The following DNAH14 variants were observed in gnomAD, a reference collection of about 807,000 sequenced individuals.
DNAH14 encodes axonemal beta dynein heavy chain 14.
Under a neutral mutation model 520.9 loss-of-function variants are expected in DNAH14, and 478 were observed. That is an observed-to-expected ratio of 0.92 (90% CI 0.85 to 0.99). DNAH14 has a LOEUF of 0.99. Ranked by LOEUF, DNAH14 falls within the 50% of genes least tolerant of loss-of-function variation. DNAH14 has a pLI of 0.00. For missense variants in DNAH14, 4,831 were observed against 5,234.5 expected, an observed-to-expected ratio of 0.92 and a Z score of 2.38; for synonymous variants, 1,581 against 1,757.2, an observed-to-expected ratio of 0.90 and a Z score of 2.51.
intron 54 of DNAH14, among the ~76,000 whole-genome samples, chr1:225,280,384 G>A (rs1428542729): frequency 6.6e-6 from 1 of 152,088 alleles, no homozygotes; most frequent in Non-Finnish European, 1.5e-5. Context: ...TGGATCATGA[G>A]GTCAGGAGAT....
At chr1:225,330,586 T>G (rs549365730) in intron 64 of DNAH14, among the ~76,000 whole-genome samples, 4 of 152,172 alleles carry the variant, frequency 2.6e-5, no homozygotes, top group Non-Finnish European at 5.9e-5. Context: ...TCTCACTTAT[T>G]TGTGGGATCG....
At chr1:224,957,664 A>T (rs994370391) in intron 3 of DNAH14, among the ~76,000 whole-genome samples, 4 of 152,158 alleles carry the variant, frequency 2.6e-5, no homozygotes, top group Non-Finnish European at 4.4e-5. Flanking sequence ...ATCCAAAAGG[A>T]GGAGTGGTCT....
chr1:225,096,662 A>G (rs923908242), intron 21 of DNAH14, among the ~76,000 whole-genome samples: 1 of 152,224 alleles, frequency 6.6e-6, no homozygotes, highest in Non-Finnish European at 1.5e-5. Flanking sequence ...GCAAGTTATA[A>G]AACAATGTAT....
rs534445035 is a variant in DNAH14, at chr1:225,213,070, T to G, written c.6439+5850T>G. Among the ~76,000 whole-genome samples the G allele has an allele frequency of 2.6e-5, 4 of 152,352 alleles. No homozygotes were observed. In the South Asian group the frequency reaches 8.3e-4, roughly 32 times the overall value. ...TAACATTTAAGTCTTTGATCCATCTTGAATTAATTTATGTATAAGATGTAA... is the reference window on the plus strand; with the variant it reads ...TAACATTTAAGTCTTTGATCCATCTGGAATTAATTTATGTATAAGATGTAA... On this transcript the variant is annotated intron_variant, in intron 41 of 85. Coordinates refer to ENST00000682510, the MANE Select transcript of DNAH14 (RefSeq NM_001367479.1).
intron 64 of DNAH14, among the ~76,000 whole-genome samples, chr1:225,327,423 A>G (rs2094700359): frequency 6.6e-6 from 1 of 152,118 alleles, no homozygotes; most frequent in Non-Finnish European, 1.5e-5. Context: ...GGCCTACCAA[A>G]GTGCTGGGAT....
At chr1:224,955,174 C>A in intron 3 of DNAH14, 76 bp downstream of exon 3, 1 of 1,454,912 alleles carries the variant, frequency 6.9e-7, no homozygotes, top group Non-Finnish European at 9.4e-7. Flanking sequence ...TTTTTCATAG[C>A]ATTAAATTAA....
chr1:225,358,396 TA>T (rs1321271054), intron 73 of DNAH14, 99 bp from the exon 74 acceptor site: 5 of 1,129,758 alleles, frequency 4.4e-6, no homozygotes, highest in South Asian at 1.8e-5. Flanking sequence ...GCTGAAAAGC[TA>T]AAAAATGAAT....
At position 224,981,768 on chromosome 1, in the gene DNAH14, G is replaced by C. The variant is rs554411015; in HGVS notation, c.830+7615G>C. 7.9e-5 allele frequency among the ~76,000 whole-genome samples: 12 copies of C among 151,830 alleles called. No homozygotes were observed. In the South Asian group the frequency reaches 2.5e-3, roughly 32 times the overall value. ...TGTTTCATTTATCTTTTGTATTTTT[G>C]GTTGGTTTGTTTCACTTTCGTTTAG... On this transcript the variant is annotated intron_variant, in intron 8 of 85. Coordinates refer to ENST00000682510, the MANE Select transcript of DNAH14 (RefSeq NM_001367479.1).
chr1:225,190,047 C>T (rs2085224513), intron 37 of DNAH14, among the ~76,000 whole-genome samples: 1 of 151,884 alleles, frequency 6.6e-6, no homozygotes, highest in African/African-American at 2.4e-5. Flanking sequence ...ACCCACAGTA[C>T]CTCAGCTTGT....
In DNAH14 at chr1:225,338,110, A is replaced by T; in HGVS notation, c.10361A>T (p.Asp3454Val). The T allele has an allele frequency of 6.4e-7, 1 of 1,551,524 alleles. No individual in the cohort carries two copies. The highest frequency in any genetic ancestry group is 1.4e-5 in the African/African-American group (1 of 73,138). ...GGCTTAAAGGCAATTCTGAAAAAGGATATCTATCAGAAAAAAGGACACTAT... is the reference window on the plus strand; with the variant it reads ...GGCTTAAAGGCAATTCTGAAAAAGGTTATCTATCAGAAAAAAGGACACTAT... Reference protein sequence around the residue: ...APGLKAILKKDIYQKKGHYFI... With the variant: ...APGLKAILKKVIYQKKGHYFI... The change falls in exon 68 of 86, where the codon GAT becomes GTT. Residue 3454 changes from aspartate to valine, a missense_variant. Transcript: ENST00000682510.
chr1:225,050,644 A>G (rs2068449501), intron 16 of DNAH14, among the ~76,000 whole-genome samples: 1 of 152,130 alleles, frequency 6.6e-6, no homozygotes, highest in African/African-American at 2.4e-5. Flanking sequence ...GCCATACCTC[A>G]ACTCTTTCCA....
chr1:225,167,833 C>A, intron 35 of DNAH14, 106 bp from the exon 36 acceptor site: 1 of 572,332 alleles, frequency 1.7e-6, no homozygotes, highest in Non-Finnish European at 2.9e-6. Context: ...GAATTACTAT[C>A]TTAAAGAGCG....
chr1:225,352,847 T>G (rs141036759), intron 72 of DNAH14, among the ~76,000 whole-genome samples: 131 of 152,226 alleles, frequency 8.6e-4, no homozygotes, highest in African/African-American at 3.1e-3. Context: ...TTTCAAGTTC[T>G]TATTAAGAAG....
At chr1:225,262,885 G>C (rs973626297) in intron 46 of DNAH14, among the ~76,000 whole-genome samples, 1 of 151,656 alleles carries the variant, frequency 6.6e-6, no homozygotes, top group Non-Finnish European at 1.5e-5. Context: ...AAATGACATT[G>C]ATATTTTTTA....
Position 225,152,902 on chromosome 1 carries a change from CA to C in DNAH14, c.5196+23del. 1 of 1,543,032 alleles carries C rather than the reference CA, an allele frequency of 6.5e-7. No individual in the cohort carries two copies. The highest frequency in any genetic ancestry group is 8.7e-7 in the Non-Finnish European group (1 of 1,144,790). On this transcript the variant is annotated intron_variant, in intron 33 of 85. Coordinates refer to ENST00000682510, the MANE Select transcript of DNAH14 (RefSeq NM_001367479.1). The stretch of plus-strand genomic sequence containing the variant: ...ACAACAGGTAAATAGCTACTTTTCT[CA>C]AAATATTTAAAGGTGATTATATAAA...
Position 224,964,425 on chromosome 1 carries a change from TAA to T in DNAH14, c.368-53_368-52del, listed in dbSNP as rs2061030030. 10 of 1,551,626 alleles carry T rather than the reference TAA, an allele frequency of 6.4e-6. No homozygotes were observed. In the Admixed American group the frequency reaches 1.9e-4, roughly 29 times the overall value. On this transcript the variant is annotated intron_variant, in intron 4 of 85. Transcript: ENST00000682510. ...TATTTGTAATATTATGCATTATCCT[TAA>T]GTGATGCCCACATTTGCACTTATAC...
intron 59 of DNAH14, among the ~76,000 whole-genome samples, chr1:225,307,893 G>A (rs1227488250): frequency 1.3e-5 from 2 of 152,190 alleles, no homozygotes; most frequent in Admixed American, 1.3e-4. Flanking sequence ...ATATGCTGTG[G>A]TAACTTGCAG....
At chr1:224,954,491 G>T (rs1374920320) in intron 2 of DNAH14, 1 of 152,694 alleles carries the variant, frequency 6.5e-6, no homozygotes, top group Non-Finnish European at 1.5e-5. Flanking sequence ...TAGACAGTTT[G>T]CCAGTGTCCT....
chr1:225,049,045 C>CTTTTTTTTTTTTTTTTTTTTTTTTTTT (rs1196968494), intron 15 of DNAH14, among the ~76,000 whole-genome samples: 1 of 87,118 alleles, frequency 1.1e-5, no homozygotes. Context: ...GATCTCTTGC[C>CTTTTTTTTTTTTTTTTTTTTTTTTTTT]TATTTTTTTT....
Sources: gnomAD v4.1 joint callset for allele counts (sites outside exome capture counted in the v4.1 genomes callset) on GRCh38, gnomAD v4.1.1 for gene constraint, MANE v1.5 for transcripts, NCBI Gene and HGNC (gene_info 2026-07-23, HGNC 2026-07-21) for gene names.